The following SIMC1 variants were observed in gnomAD, a reference collection of about 807,000 sequenced individuals.
SIMC1 encodes the protein SUMO interacting motifs containing 1, also known as SUMO-interacting motif-containing protein 1.
SIMC1 carries 55 observed loss-of-function variants against 82.3 expected under a neutral mutation model. The ratio of observed to expected loss-of-function variants is 0.67; its 90% CI spans 0.54 to 0.84. The LOEUF (loss-of-function observed/expected upper bound fraction) is 0.84, where lower values mean the gene tolerates loss of function less well. Ranked by LOEUF, SIMC1 falls within the 40% of genes least tolerant of loss-of-function variation. The pLI is 0.00. For missense variants in SIMC1, 915 were observed against 1,107.2 expected (o/e 0.83, Z 2.46); for synonymous variants, 353 against 426.3 (o/e 0.83, Z 2.12).
chr5:176,266,254 A>C (rs1308699958), intron 1 of SIMC1, among the ~76,000 whole-genome samples: 1 of 152,192 alleles, frequency 6.6e-6, no homozygotes. Context: ...CTGAGATTTT[A>C]TGAACTTGAA....
rs138553879 is a variant in SIMC1, at chr5:176,260,828, C to T, written c.129+22191C>T. ...TGTAAAGAAGCAGAAATGGCAGATG[C>T]GCAGAAATGGCAGATGCTCACTTTC... On this transcript the variant is annotated intron_variant, in intron 1 of 9. Transcript: ENST00000429602. Among the ~76,000 whole-genome samples, 486 of 152,166 alleles carry T rather than the reference C, an allele frequency of 3.2e-3. 1 individual carries two copies. The highest frequency in any genetic ancestry group is 4.2e-3 in the Non-Finnish European group (288 of 68,018).
intron 6 of SIMC1, 88 bp from the exon 7 acceptor site, chr5:176,324,540 GA>G (rs1765292880): frequency 2.9e-6 from 4 of 1,368,452 alleles, no homozygotes; most frequent in Non-Finnish European, 4.0e-6. Context: ...CTCTACTCTC[GA>G]TGTACACTGG....
At chr5:176,299,547 A>C (rs1251136352) in intron 4 of SIMC1, among the ~76,000 whole-genome samples, 1 of 152,240 alleles carries the variant, frequency 6.6e-6, no homozygotes, top group Admixed American at 6.5e-5. Flanking sequence ...AAAGAAGGAC[A>C]TTATATAATA....
chr5:176,298,193 C>T (rs534143633), intron 4 of SIMC1, among the ~76,000 whole-genome samples: 2 of 152,224 alleles, frequency 1.3e-5, no homozygotes, highest in Non-Finnish European at 2.9e-5. Flanking sequence ...TTTGCATGCC[C>T]ATGTCCCTCT....
Position 176,290,646 on chromosome 5 carries a change from C to G in SIMC1, c.1122C>G (p.Thr374=), listed in dbSNP as rs1561699037. 1.9e-6 allele frequency: 3 copies of G among 1,613,992 alleles called. No homozygotes were observed. The highest frequency in any genetic ancestry group is 2.5e-6 in the Non-Finnish European group (3 of 1,179,898). The change falls in exon 2 of 10, where the codon ACC becomes ACG. Residue 374 remains threonine, a synonymous_variant. Coordinates refer to ENST00000429602, the MANE Select transcript of SIMC1 (RefSeq NM_001308195.2). ...TACCAGGAGACAGGCCTGACTTTAC[C>G]CAGAATGATGTACAGAACCGTGACA... The part of the protein sequence containing the change: ...PHLPGDRPDF[T]QNDVQNRDMP...
At chr5:176,340,128 C>G (rs925304137) in intron 9 of SIMC1, among the ~76,000 whole-genome samples, 1 of 152,234 alleles carries the variant, frequency 6.6e-6, no homozygotes, top group Non-Finnish European at 1.5e-5. Flanking sequence ...TAGGTAAATT[C>G]ACCTGCACTG....
intron 9 of SIMC1, among the ~76,000 whole-genome samples, chr5:176,338,564 A>G (rs1285621693): frequency 6.6e-6 from 1 of 152,228 alleles, no homozygotes; most frequent in Non-Finnish European, 1.5e-5. Flanking sequence ...ATACTGGATT[A>G]TGATAGTAAA....
intron 1 of SIMC1, among the ~76,000 whole-genome samples, chr5:176,260,625 T>A (rs1190536337): frequency 1.3e-5 from 2 of 152,128 alleles, no homozygotes; most frequent in South Asian, 2.1e-4. Flanking sequence ...AAAAAAATGT[T>A]TGTAGGACAA....
chr5:176,322,407 C>T lies in SIMC1; in HGVS notation c.2024C>T (p.Thr675Ile). 6.2e-7 allele frequency: 1 copy of T among 1,609,372 alleles called. No homozygotes were observed. The highest frequency in any genetic ancestry group is 8.5e-7 in the Non-Finnish European group (1 of 1,177,944). Residue 675 changes from threonine (T) to isoleucine (I), a missense_variant, in exon 6 of 10, where the codon ACA becomes ATA. Coordinates refer to ENST00000429602, the MANE Select transcript of SIMC1 (RefSeq NM_001308195.2). ...CACCCTTCTTCCCAGCCCAACCTGACAAAGAACACCAATCAGCTGTAAGGG... is the reference window on the plus strand; with the variant it reads ...CACCCTTCTTCCCAGCCCAACCTGATAAAGAACACCAATCAGCTGTAAGGG... ...SSHPSSQPNL[T>I]KNTNQLIVCQ...
chr5:176,277,844 G>C (rs76626324), intron 1 of SIMC1, among the ~76,000 whole-genome samples: 1 of 151,490 alleles, frequency 6.6e-6, no homozygotes, highest in Admixed American at 6.6e-5. Context: ...CTGTTTTGGT[G>C]ACTGTAGCCT....
At chr5:176,302,555 C>A (rs935901432) in intron 4 of SIMC1, among the ~76,000 whole-genome samples, 1 of 151,868 alleles carries the variant, frequency 6.6e-6, no homozygotes, top group Admixed American at 6.6e-5. Flanking sequence ...CTAGACAGAG[C>A]AGTTAGTCAA....
chr5:176,290,827 G>A lies in SIMC1; in HGVS notation c.1303G>A (p.Val435Ile), dbSNP rs771131211. The change falls in exon 2 of 10, where the codon GTA becomes ATA. Residue 435 changes from valine to isoleucine, a missense_variant. Physicochemically the swap from Val to Ile is conservative, Grantham distance 29. Around this residue, in one of 2 missense-constraint regions of SIMC1, gnomAD observed 902 missense variants for 1,040.3 expected, o/e 0.87. Transcript: ENST00000429602. ...SEPAKPGSAHVQSRTPQGGLY... is the reference protein window; with the variant it reads ...SEPAKPGSAHIQSRTPQGGLY... The stretch of plus-strand genomic sequence containing the variant: ...GCCTGCCAAACCTGGGTCTGCCCAC[G>A]TACAATCACGAACACCACAAGGTGG... The A allele has an allele frequency of 2.7e-5, 43 of 1,613,510 alleles. No individual in the cohort carries two copies. Among genetic ancestry groups the A allele is most frequent in the Non-Finnish European group, 3.4e-5 (40 of 1,179,672 alleles).
chr5:176,265,589 T>C (rs1194652969), intron 1 of SIMC1, among the ~76,000 whole-genome samples: 1 of 152,034 alleles, frequency 6.6e-6, no homozygotes, highest in Non-Finnish European at 1.5e-5. Flanking sequence ...TGTCTGAAAA[T>C]AGGGTTAATT....
intron 1 of SIMC1, among the ~76,000 whole-genome samples, chr5:176,249,190 T>C (rs1172162439): frequency 1.3e-5 from 2 of 152,072 alleles, no homozygotes; most frequent in African/African-American, 2.4e-5. Context: ...CCAGCTCCTC[T>C]TTGTGCCTCT....
intron 1 of SIMC1, among the ~76,000 whole-genome samples, chr5:176,285,615 A>T (rs200461811): frequency 6.0e-5 from 9 of 150,178 alleles, no homozygotes; most frequent in East Asian, 2.0e-4. Context: ...CCTATTCAAC[A>T]TAGTGTTGGA....
intron 6 of SIMC1, among the ~76,000 whole-genome samples, chr5:176,323,857 G>A (rs139084938): frequency 9.4e-4 from 143 of 152,142 alleles, no homozygotes; most frequent in African/African-American, 2.9e-3. Flanking sequence ...GCATGGTGGC[G>A]GGCACCTGTA....
intron 4 of SIMC1, among the ~76,000 whole-genome samples, chr5:176,304,866 T>G (rs1412069095): frequency 2.0e-5 from 3 of 148,402 alleles, no homozygotes; most frequent in Non-Finnish European, 4.5e-5. Context: ...GGAGCGCCTC[T>G]GCCTGGCCGA....
At chr5:176,345,048 T>G (rs147334391) in intron 9 of SIMC1, 135 bp from the exon 10 acceptor site, 10 of 1,142,236 alleles carry the variant, frequency 8.8e-6, no homozygotes, top group Non-Finnish European at 1.2e-5. Context: ...CTGCAGGCAC[T>G]CACACAGCCT....
chr5:176,328,320 A>T (rs1318381440), intron 7 of SIMC1, among the ~76,000 whole-genome samples: 2 of 152,162 alleles, frequency 1.3e-5, no homozygotes, highest in African/African-American at 4.8e-5. Flanking sequence ...TCATTTGTTT[A>T]AAAAAGAAAC....
Sources: allele counts gnomAD v4.1 joint callset (sites outside exome capture counted in the v4.1 genomes callset), GRCh38; gene constraint gnomAD v4.1.1; regional missense constraint gnomAD v4.1.1; transcripts MANE v1.5; gene names NCBI Gene and HGNC (gene_info 2026-07-23, HGNC 2026-07-21).